Variants in ZZEF1 observed in about 807,000 individuals in gnomAD.
ZZEF1 encodes the protein zinc finger ZZ-type and EF-hand domain-containing protein 1.
Under a neutral mutation model 342.8 loss-of-function variants are expected in ZZEF1, and 157 were observed. The observed-to-expected ratio is 0.46, with a 90% CI of 0.40 to 0.52. ZZEF1 has a LOEUF of 0.52. Ranked by LOEUF, ZZEF1 falls within the 20% of genes least tolerant of loss-of-function variation. The pLI is 0.00. For synonymous variants in ZZEF1, 1,505 were observed against 1,429.1 expected (o/e 1.05, Z -1.20); for missense variants, 3,480 against 3,725.6 (o/e 0.93, Z 1.72).
chr17:4,017,995 G>A lies in ZZEF1; in HGVS notation c.7506-24C>T. On this transcript the variant is annotated intron_variant, in intron 46 of 54. Coordinates refer to ENST00000381638, the MANE Select transcript of ZZEF1 (RefSeq NM_015113.4). This position sits in a 1 kb window ranked among gnomAD's most constrained non-coding sequence, Gnocchi z 5.1. ...ACCTGCAGAAGGGCAGCACAAAGTT[G>A]AGTACCAACAGTGTAGACAGGCCAG... is the stretch of plus-strand genomic sequence containing the variant. The A allele has an allele frequency of 6.2e-7, 1 of 1,611,442 alleles. No individual in the cohort carries two copies. The highest frequency in any genetic ancestry group is 8.5e-7 in the Non-Finnish European group (1 of 1,179,908).
rs902819719 is a variant in ZZEF1, at chr17:4,105,892, G to T, written c.1278-83C>A. 1.2e-5 allele frequency: 13 copies of T among 1,083,076 alleles called. No homozygotes were observed. The Admixed American group carries it at 1.8e-4, about 15-fold the overall frequency. The allele number at this position is 1,083,076 out of a possible 1,614,324, so 67.1% of individuals were successfully genotyped here. A position where few individuals can be genotyped will look rare whatever the true frequency, so the allele number is the denominator to read the frequency against. ...AAATAAACTGTTAGAAGCTTGTTTT[G>T]ACTAATCCCTTATAAACAGACAGTG... On this transcript the variant is annotated intron_variant, in intron 6 of 54. Coordinates refer to ENST00000381638, the MANE Select transcript of ZZEF1 (RefSeq NM_015113.4).
chr17:4,109,560 C>T, intron 6 of ZZEF1, 93 bp downstream of exon 6: 1 of 1,385,630 alleles, frequency 7.2e-7, no homozygotes, highest in Admixed American at 1.9e-5. Flanking sequence ...CCACAACGAT[C>T]AATGATGGAA....
chr17:4,102,717 T>G (rs1412191104), intron 8 of ZZEF1, among the ~76,000 whole-genome samples: 2 of 152,148 alleles, frequency 1.3e-5, no homozygotes, highest in Non-Finnish European at 2.9e-5. Context: ...ATTGAACACA[T>G]TTGGGGGGGT....
intron 35 of ZZEF1, 149 bp downstream of exon 35, chr17:4,051,822 A>G (rs2057053333): frequency 1.4e-6 from 1 of 719,764 alleles, no homozygotes; most frequent in East Asian, 2.9e-5. Context: ...TAATGGGTAC[A>G]TGAAGGTTCA....
At chr17:4,082,003 T>C (rs1263863772) in intron 17 of ZZEF1, among the ~76,000 whole-genome samples, 1 of 152,214 alleles carries the variant, frequency 6.6e-6, no homozygotes, top group Non-Finnish European at 1.5e-5. Context: ...CTTCTAGTAA[T>C]GAAGCCTGTA....
intron 13 of ZZEF1, 57 bp from the exon 14 acceptor site, chr17:4,087,591 C>G: frequency 7.1e-7 from 1 of 1,414,272 alleles, no homozygotes; most frequent in Non-Finnish European, 9.7e-7. Flanking sequence ...TAGAGAAATA[C>G]TGTAATGCCT....
intron 49 of ZZEF1, among the ~76,000 whole-genome samples, chr17:4,015,519 C>A (rs968623768): frequency 1.4e-4 from 22 of 152,250 alleles, no homozygotes; most frequent in Non-Finnish European, 2.6e-4. Flanking sequence ...AATCCCAGCA[C>A]TCTGGGAGGC....
At chr17:4,083,006 C>G (rs2057752778) in intron 16 of ZZEF1, among the ~76,000 whole-genome samples, 1 of 152,142 alleles carries the variant, frequency 6.6e-6, no homozygotes, top group Admixed American at 6.5e-5. Flanking sequence ...GAACTCCTGA[C>G]CTCAGGTGAT....
chr17:4,142,712 C>T lies in ZZEF1; in HGVS notation c.184G>A (p.Ala62Thr), dbSNP rs764623154. The T allele has an allele frequency of 6.3e-7, 1 of 1,582,954 alleles. No individual in the cohort carries two copies. Among genetic ancestry groups the T allele is most frequent in the South Asian group, 1.1e-5 (1 of 88,066 alleles). The change falls in exon 1 of 55, where the codon GCG (alanine) becomes ACG (threonine). Residue 62 changes from alanine (A) to threonine (T), a missense_variant. Physicochemically the swap from Ala to Thr is moderately conservative, Grantham distance 58. This residue lies in a region of ZZEF1 where 416 missense variants were observed against 374.2 expected (regional missense o/e 1.11). Transcript: ENST00000381638. ...EPARLREAAA[A>T]LLPTPPCESL... ...TCGCAGGGGGGTGTGGGCAGCAACG[C>T]TGCAGCAGCCTCTCGCAGCCTGGCC...
Position 4,077,985 on chromosome 17 carries a change from G to C in ZZEF1, c.2887C>G (p.Leu963Val). The C allele has an allele frequency of 6.2e-7, 1 of 1,614,150 alleles. No individual in the cohort carries two copies. The highest frequency in any genetic ancestry group is 8.5e-7 in the Non-Finnish European group (1 of 1,180,024). Residue 963 changes from leucine (L) to valine (V), a missense_variant, in exon 19 of 55, where the codon CTG (leucine) becomes GTG (valine). This residue lies in a region of ZZEF1 where 1,528 missense variants were observed against 1,624.1 expected (regional missense o/e 0.94). Transcript: ENST00000381638. ...PGEVGSVLFS[L>V]FWSVQGSLLS... ...AGGCTGCCTTGGACGGACCAGAACA[G>C]GGAGAAGAGCACAGAGCCCACCTCC...
intron 6 of ZZEF1, among the ~76,000 whole-genome samples, chr17:4,108,684 A>G (rs1452078074): frequency 6.6e-6 from 1 of 152,232 alleles, no homozygotes; most frequent in East Asian, 1.9e-4. Flanking sequence ...ACGATGGGGC[A>G]CAGGCAGGCA....
At chr17:4,085,943 C>A in intron 15 of ZZEF1, 140 bp from the exon 16 acceptor site, 2 of 1,063,848 alleles carry the variant, frequency 1.9e-6, no homozygotes, top group East Asian at 2.7e-5. Context: ...ACAGGCCAGG[C>A]AGTATAAAAA....
At chr17:4,100,347 C>T (rs1464346893) in intron 9 of ZZEF1, among the ~76,000 whole-genome samples, 1 of 152,160 alleles carries the variant, frequency 6.6e-6, no homozygotes, top group Admixed American at 6.5e-5. Context: ...AGGAGGAACC[C>T]AGTGCTCCCC....
At chr17:4,024,416 C>T (rs1301558845) in intron 43 of ZZEF1, among the ~76,000 whole-genome samples, 1 of 152,102 alleles carries the variant, frequency 6.6e-6, no homozygotes, top group East Asian at 1.9e-4. Flanking sequence ...CCAGGCTGGT[C>T]TTGAACTCCT....
At chr17:4,067,950 C>T (rs1197905744) in intron 26 of ZZEF1, among the ~76,000 whole-genome samples, 1 of 152,074 alleles carries the variant, frequency 6.6e-6, no homozygotes, top group Non-Finnish European at 1.5e-5. Context: ...CACCGGCATG[C>T]ACCTGTAGTC....
chr17:4,077,937 G>A lies in ZZEF1; in HGVS notation c.2935C>T (p.Leu979=), dbSNP rs752463498. Residue 979 remains leucine, a synonymous_variant, in exon 19 of 55, where the codon CTG becomes TTG. Coordinates refer to ENST00000381638, the MANE Select transcript of ZZEF1 (RefSeq NM_015113.4). ...GSLLSWCYLQ[L]KSTDSGAKDL... ...TTGGCTCCAGAGTCCGTGCTCTTCA[G>A]CTGCAGGTAGCACCAGGATAGCAGG... 1.2e-6 allele frequency: 2 copies of A among 1,614,186 alleles called. No individual in the cohort carries two copies. The highest frequency in any genetic ancestry group is 8.5e-7 in the Non-Finnish European group (1 of 1,180,036).
Position 4,081,396 on chromosome 17 carries a change from C to G in ZZEF1, c.2809G>C (p.Val937Leu). The change falls in exon 18 of 55, where the codon GTC becomes CTC. Residue 937 changes from valine to leucine, a missense_variant. Around this residue, in one of 5 missense-constraint regions of ZZEF1, gnomAD observed 1,528 missense variants for 1,624.1 expected, o/e 0.94. Transcript: ENST00000381638. ...SEVLAVMDTL[V>L]SVAARECELL... ...GATACCTCTCGAGCAGCAACAGAGA[C>G]GAGAGTGTCCATGACCGCCAGGACT... 1 of 1,613,632 alleles carries G rather than the reference C, an allele frequency of 6.2e-7. No individual in the cohort carries two copies. The highest frequency in any genetic ancestry group is 8.5e-7 in the Non-Finnish European group (1 of 1,179,988).
At chr17:4,140,070 G>A (rs1396663838) in intron 1 of ZZEF1, among the ~76,000 whole-genome samples, 2 of 152,186 alleles carry the variant, frequency 1.3e-5, no homozygotes, top group Admixed American at 6.5e-5. Flanking sequence ...GAAGATGTCC[G>A]TGGAGGATGA....
At chr17:4,022,922 C>A in intron 43 of ZZEF1, 94 bp from the exon 44 acceptor site, 1 of 1,485,548 alleles carries the variant, frequency 6.7e-7, no homozygotes, top group Non-Finnish European at 9.1e-7. Context: ...CTCTTTCATT[C>A]ATTCGTCCAT....
Sources: allele counts gnomAD v4.1 joint callset (sites outside exome capture counted in the v4.1 genomes callset), GRCh38; gene constraint gnomAD v4.1.1; regional missense constraint gnomAD v4.1.1; non-coding constraint Gnocchi (gnomAD v3.1); transcripts MANE v1.5; gene names NCBI Gene and HGNC (gene_info 2026-07-23, HGNC 2026-07-21).